Variants in TPR observed in about 807,000 individuals in gnomAD.
TPR encodes translocated promoter region, nuclear basket protein, also known as nucleoprotein TPR.
A neutral mutation model predicts 316.1 loss-of-function variants in TPR; 51 were observed. The ratio of observed to expected loss-of-function variants is 0.16; its 90% CI spans 0.13 to 0.20. The LOEUF (loss-of-function observed/expected upper bound fraction) is 0.20, where lower values mean the gene tolerates loss of function less well. Ranked by LOEUF, TPR falls within the 10% of genes least tolerant of loss-of-function variation. TPR has a pLI of 1.00. For synonymous variants in TPR, 981 were observed against 914.7 expected (o/e 1.07, Z -1.31); for missense variants, 2,272 against 2,754.8 (o/e 0.82, Z 3.92).
chr1:186,330,983 A>C (rs1658146127), intron 39 of TPR, among the ~76,000 whole-genome samples: 1 of 152,122 alleles, frequency 6.6e-6, no homozygotes, highest in African/African-American at 2.4e-5. Context: ...CTAGTGGTGG[A>C]GCTAGGAATG....
At chr1:186,330,212 T>C (rs1255863238) in intron 39 of TPR, among the ~76,000 whole-genome samples, 2 of 152,236 alleles carry the variant, frequency 1.3e-5, no homozygotes, top group East Asian at 3.9e-4. Flanking sequence ...TCAGGGCCTG[T>C]CTGGCATGGT....
Position 186,358,533 on chromosome 1 carries a change from A to C in TPR, c.1497+10T>G, listed in dbSNP as rs749940607. 1.2e-6 allele frequency: 2 copies of C among 1,602,552 alleles called. No individual in the cohort carries two copies. Among genetic ancestry groups the C allele is most frequent in the South Asian group, 2.3e-5 (2 of 88,602 alleles). On this transcript the variant is annotated intron_variant, in intron 13 of 50. Transcript: ENST00000367478. Reference sequence around the variant, plus strand: ...TTTAAAAGTAGGAAAACAAACAAAAAAATTCTAACCTGTTGTGAAAGATCT... The same window carrying C: ...TTTAAAAGTAGGAAAACAAACAAAACAATTCTAACCTGTTGTGAAAGATCT...
rs575345627 is a variant in TPR, at chr1:186,362,352, C to A, written c.725G>T (p.Gly242Val). ...EVSRLEEQMN[G>V]LKTSNEHLQK... ...AAGATGTTCATTTGATGTTTTTAAG[C>A]CATTCATTTGTTCTTCCAGTCTAGA... The change falls in exon 7 of 51, where the codon GGC becomes GTC. Residue 242 changes from glycine (G) to valine (V), a missense_variant. This residue lies in a region of TPR where 549 missense variants were observed against 598.6 expected (regional missense o/e 0.92). Coordinates refer to ENST00000367478, the MANE Select transcript of TPR (RefSeq NM_003292.3). 8.1e-6 allele frequency: 13 copies of A among 1,611,916 alleles called. No homozygotes were observed. The highest frequency in any genetic ancestry group is 8.0e-5 in the African/African-American group (6 of 74,910).
At position 186,358,117 on chromosome 1, in the gene TPR, G is replaced by A. The variant is rs151056881; in HGVS notation, c.1497+426C>T. ...TTATTGATTTGCTTGTTAAGTGTCAGAGTAATGCATACAGTCCAGTCTTAC... is the reference window on the plus strand; with the variant it reads ...TTATTGATTTGCTTGTTAAGTGTCAAAGTAATGCATACAGTCCAGTCTTAC... On this transcript the variant is annotated intron_variant, in intron 13 of 50. Coordinates refer to ENST00000367478, the MANE Select transcript of TPR (RefSeq NM_003292.3). Among the ~76,000 whole-genome samples the A allele has an allele frequency of 1.3e-3, 201 of 152,246 alleles. 1 individual carries two copies. Among genetic ancestry groups the A allele is most frequent in the African/African-American group, 4.6e-3 (191 of 41,540 alleles).
chr1:186,330,183 T>A (rs1406488935), intron 39 of TPR, among the ~76,000 whole-genome samples: 1 of 152,114 alleles, frequency 6.6e-6, no homozygotes, highest in Non-Finnish European at 1.5e-5. Flanking sequence ...GAAACAAAAG[T>A]TACCCGTAGG....
At chr1:186,346,478 T>C (rs1048682492) in intron 22 of TPR, among the ~76,000 whole-genome samples, 191 bp from the exon 23 acceptor site, 1 of 152,176 alleles carries the variant, frequency 6.6e-6, no homozygotes, top group Non-Finnish European at 1.5e-5. Flanking sequence ...TACAAGCATT[T>C]ACCATTCATC....
chr1:186,324,211 TA>T lies in TPR; in HGVS notation c.6113-342del, dbSNP rs201311299. 6.8e-3 allele frequency among the ~76,000 whole-genome samples: 1,038 copies of T among 152,122 alleles called. 13 individuals carry two copies. The highest frequency in any genetic ancestry group is 0.022 in the African/African-American group (933 of 41,478). ...ATAAAGCTCTTAGCTCGACCTATGA[TA>T]AACATTAAAAACACTAAAATTAAAG... On this transcript the variant is annotated intron_variant, in intron 42 of 50. Coordinates refer to ENST00000367478, the MANE Select transcript of TPR (RefSeq NM_003292.3).
chr1:186,348,692 C>A (rs1558018218), intron 21 of TPR, among the ~76,000 whole-genome samples: 1 of 152,116 alleles, frequency 6.6e-6, no homozygotes, highest in Non-Finnish European at 1.5e-5. Flanking sequence ...AAATTCCTCT[C>A]TTTGTACTGT....
Position 186,363,339 on chromosome 1 carries a change from T to C in TPR, c.531+3A>G, listed in dbSNP as rs773755455. ...TATGCATTAGGAATCATCTGGTACT[T>C]GCCTTAACAGAAACATCAGAAGCTT... On this transcript the variant is annotated splice_donor_region_variant and intron_variant, in intron 5 of 50. Coordinates refer to ENST00000367478, the MANE Select transcript of TPR (RefSeq NM_003292.3). 17 of 1,606,376 alleles carry C rather than the reference T, an allele frequency of 1.1e-5. No homozygotes were observed. The African/African-American group carries it at 2.3e-4, about 22-fold the overall frequency.
At chr1:186,335,983 T>G (rs1658328543) in intron 33 of TPR, among the ~76,000 whole-genome samples, 1 of 152,098 alleles carries the variant, frequency 6.6e-6, no homozygotes, top group African/African-American at 2.4e-5. Flanking sequence ...AAAATCCAAC[T>G]GATTTGACAT....
At chr1:186,331,697 T>C (rs1658171943) in intron 38 of TPR, 116 bp from the exon 39 acceptor site, 2 of 550,968 alleles carry the variant, frequency 3.6e-6, no homozygotes, top group East Asian at 3.5e-5. Flanking sequence ...TATGAAACTA[T>C]AGAAAAATAA....
At chr1:186,357,252 C>T (rs1323872389) in intron 14 of TPR, 145 bp downstream of exon 14, 9 of 708,826 alleles carry the variant, frequency 1.3e-5, no homozygotes, top group African/African-American at 7.2e-5. Context: ...CTCACTATGT[C>T]GTCCAGGCTG....
chr1:186,345,516 A>G, intron 24 of TPR, 64 bp downstream of exon 24: 1 of 1,319,856 alleles, frequency 7.6e-7, no homozygotes, highest in South Asian at 1.2e-5. Context: ...TATAATGCAT[A>G]AATATACTTC....
chr1:186,338,002 T>C (rs1243350929), intron 31 of TPR, 31 bp downstream of exon 31: 1 of 1,519,006 alleles, frequency 6.6e-7, no homozygotes, highest in Non-Finnish European at 8.8e-7. Flanking sequence ...CATCCTAGTT[T>C]TTTTTTGTAA....
intron 37 of TPR, 38 bp downstream of exon 37, chr1:186,333,084 A>G: frequency 6.3e-7 from 1 of 1,599,430 alleles, no homozygotes. Flanking sequence ...TTATAAATGC[A>G]TAGGTCTACT....
chr1:186,325,752 T>C lies in TPR; in HGVS notation c.6112+12A>G. 7.5e-6 allele frequency: 12 copies of C among 1,608,582 alleles called. No homozygotes were observed. Among genetic ancestry groups the C allele is most frequent in the Non-Finnish European group, 1.0e-5 (12 of 1,176,764 alleles). Reference sequence around the variant, plus strand: ...AGATATTCAATTCAAAAAAGGCTAATAAAAATCTCACCACTGTTTTGAGAA... The same window carrying C: ...AGATATTCAATTCAAAAAAGGCTAACAAAAATCTCACCACTGTTTTGAGAA... On this transcript the variant is annotated intron_variant, in intron 42 of 50. Coordinates refer to ENST00000367478, the MANE Select transcript of TPR (RefSeq NM_003292.3).
rs373873150 is a variant in TPR, at chr1:186,312,718, T to C, written c.*1253A>G. Reference sequence around the variant, plus strand: ...CTCAGATGTCTGGCTCTTTCCAAGATAGTACATTGCCTTTTAATCTGGTAT... The same window carrying C: ...CTCAGATGTCTGGCTCTTTCCAAGACAGTACATTGCCTTTTAATCTGGTAT... On this transcript the variant is annotated 3_prime_UTR_variant, in exon 51 of 51. Transcript: ENST00000367478. The C allele has an allele frequency of 1.0e-4, 159 of 1,584,106 alleles. 1 individual carries two copies. The African/African-American group carries it at 1.8e-3, about 18-fold the overall frequency.
At position 186,362,108 on chromosome 1, in the gene TPR, A is replaced by G. The variant is rs995351087; in HGVS notation, c.789+180T>C. 2.6e-5 allele frequency among the ~76,000 whole-genome samples: 4 copies of G among 152,040 alleles called. No homozygotes were observed. In the East Asian group the frequency reaches 7.7e-4, roughly 29 times the overall value. ...TACTCATTTTTTAGATAGTATTTTC[A>G]ATATAACATATAATTGCTATTTCTG... On this transcript the variant is annotated intron_variant, in intron 7 of 50. Coordinates refer to ENST00000367478, the MANE Select transcript of TPR (RefSeq NM_003292.3).
chr1:186,313,735 G>T lies in TPR; in HGVS notation c.*236C>A. ...AGAACAGCAAGAGCAATTACTACTCGTTCTGGGCAGACCTTATCCAAAGTC... is the reference window on the plus strand; with the variant it reads ...AGAACAGCAAGAGCAATTACTACTCTTTCTGGGCAGACCTTATCCAAAGTC... On this transcript the variant is annotated 3_prime_UTR_variant, in exon 51 of 51. Transcript: ENST00000367478. 6.2e-7 allele frequency: 1 copy of T among 1,610,128 alleles called. No homozygotes were observed. Among genetic ancestry groups the T allele is most frequent in the Non-Finnish European group, 8.5e-7 (1 of 1,176,580 alleles).
Sources: allele counts gnomAD v4.1 joint callset (sites outside exome capture counted in the v4.1 genomes callset), GRCh38; gene constraint gnomAD v4.1.1; regional missense constraint gnomAD v4.1.1; transcripts MANE v1.5; gene names NCBI Gene and HGNC (gene_info 2026-07-23, HGNC 2026-07-21).